The following CCL2 variants were observed in gnomAD, a reference collection of about 807,000 sequenced individuals.
The protein encoded by CCL2 is C-C motif chemokine 2.
Under a neutral mutation model 6.7 loss-of-function variants are expected in CCL2, and 2 were observed. The ratio of observed to expected loss-of-function variants is 0.30; its 90% CI spans 0.12 to 0.94. The LOEUF (loss-of-function observed/expected upper bound fraction) is 0.94. CCL2 is among the 40% of genes least tolerant of loss of function. CCL2 has a pLI of 0.54. For synonymous variants in CCL2, 43 were observed against 45.2 expected (o/e 0.95, Z 0.19); for missense variants, 89 against 119.3 (o/e 0.75, Z 1.18).
In CCL2 at chr17:34,256,268, G is replaced by GAT. The variant is rs772588061; in HGVS notation, c.124_125insTA (p.Lys42IlefsTer24). ...CCTGCTGTTATAACTTCACCAATAG[G>GAT]AAGATCTCAGTGCAGAGGCTCGCGA... On this transcript the variant is annotated frameshift_variant, in exon 2 of 3. Transcript: ENST00000225831. LOFTEE classifies it high-confidence loss of function. The GAT allele has an allele frequency of 2.5e-6, 4 of 1,613,798 alleles. No individual in the cohort carries two copies. Among genetic ancestry groups the GAT allele is most frequent in the Non-Finnish European group, 3.4e-6 (4 of 1,179,790 alleles).
At chr17:34,255,921 T>C (rs1184903142) in intron 1 of CCL2, 4 of 318,312 alleles carry the variant, frequency 1.3e-5, no homozygotes, top group Non-Finnish European at 2.3e-5. Flanking sequence ...TCCCTGGTGC[T>C]GATCATCTGG....
intron 1 of CCL2, chr17:34,255,633 A>C (rs1907663367): frequency 1.9e-6 from 1 of 534,474 alleles, no homozygotes; most frequent in African/African-American, 1.9e-5. Flanking sequence ...CCCCAAATCC[A>C]GCTCCTTCCA....
chr17:34,255,700 G>A (rs1467381903), intron 1 of CCL2: 7 of 430,458 alleles, frequency 1.6e-5, no homozygotes, highest in African/African-American at 1.4e-4. Flanking sequence ...GCTTCCAGCA[G>A]AGTTTGGGGA....
Position 34,256,892 on chromosome 17 carries a change from C to T in CCL2, c.*65C>T, listed in dbSNP as rs13900. 273,056 of 923,064 alleles carry T rather than the reference C, an allele frequency of 0.3. 45,576 individuals are homozygous for T. The highest frequency in any genetic ancestry group is 0.61 in the East Asian group (24,572 of 40,230). 57.2% of individuals were successfully genotyped at this position (923,064 alleles called of 1,614,324 possible). A position where few individuals can be genotyped will look rare whatever the true frequency, so the allele number is the denominator to read the frequency against. On this transcript the variant is annotated 3_prime_UTR_variant, in exon 3 of 3. Coordinates refer to ENST00000225831, the MANE Select transcript of CCL2 (RefSeq NM_002982.4). Reference sequence around the variant, plus strand: ...TTTCCCCTAGCTTTCCCCAGACACCCTGTTTTATTTTATTATAATGAATTT... The same window carrying T: ...TTTCCCCTAGCTTTCCCCAGACACCTTGTTTTATTTTATTATAATGAATTT...
intron 2 of CCL2, 32 bp from the exon 3 acceptor site, chr17:34,256,690 A>C: frequency 6.7e-7 from 1 of 1,481,844 alleles, no homozygotes; most frequent in Non-Finnish European, 9.4e-7. Context: ...CTGCAAAGGA[A>C]CTTCATCTAA....
intron 1 of CCL2, 110 bp from the exon 2 acceptor site, chr17:34,256,112 T>TC (rs1907676739): frequency 1.4e-6 from 1 of 712,594 alleles, no homozygotes; most frequent in African/African-American, 1.8e-5. Flanking sequence ...ATGAGCTCTT[T>TC]GTCTTCTCCT....
rs1907661891 is a variant in CCL2 at position 34,255,597 on chromosome 17, G to A, written c.76+172G>A. On this transcript the variant is annotated intron_variant, in intron 1 of 2. Transcript: ENST00000225831. ...AACCACACAGCTGCTGCTCGGCAGA[G>A]CCTGAACTAGAATTCCAGCTGTGAA... The A allele has an allele frequency of 1.0e-5, 6 of 572,750 alleles. 1 individual carries two copies. Among genetic ancestry groups the A allele is most frequent in the Non-Finnish European group, 1.8e-5 (6 of 325,064 alleles). 35.5% of individuals were successfully genotyped at this position (572,750 alleles called of 1,614,324 possible).
chr17:34,256,459 T>C (rs1047879741), intron 2 of CCL2, 120 bp downstream of exon 2: 1 of 735,310 alleles, frequency 1.4e-6, no homozygotes, highest in African/African-American at 1.8e-5. Context: ...AGGTTCCCAA[T>C]GGGAAAACTG....
At chr17:34,255,573 A>T in intron 1 of CCL2, 148 bp downstream of exon 1, 1 of 619,222 alleles carries the variant, frequency 1.6e-6, no homozygotes, top group Non-Finnish European at 2.8e-6. Flanking sequence ...GGTGAGCCCA[A>T]CCACACAGCT....
chr17:34,256,082 G>A, intron 1 of CCL2, 140 bp from the exon 2 acceptor site: 2 of 636,946 alleles, frequency 3.1e-6, no homozygotes, highest in Admixed American at 5.1e-5. Flanking sequence ...CTGAGGTATA[G>A]GCAGAAGCAC....
Position 34,256,242 on chromosome 17 carries a change from A to T in CCL2, c.97A>T (p.Thr33Ser). The stretch of plus-strand genomic sequence containing the variant: ...TCCAGATGCAATCAATGCCCCAGTC[A>T]CCTGCTGTTATAACTTCACCAATAG... Reference protein sequence around the residue: ...AQPDAINAPVTCCYNFTNRKI... With the variant: ...AQPDAINAPVSCCYNFTNRKI... The change falls in exon 2 of 3, where the codon ACC becomes TCC. Residue 33 changes from threonine to serine, a missense_variant. Transcript: ENST00000225831. 6.2e-7 allele frequency: 1 copy of T among 1,611,822 alleles called. No homozygotes were observed. Among genetic ancestry groups the T allele is most frequent in the Non-Finnish European group, 8.5e-7 (1 of 1,178,154 alleles).
Position 34,256,768 on chromosome 17 carries a change from A to G in CCL2, c.241A>G (p.Lys81Glu). ...AKEICADPKQKWVQDSMDHLD... is the reference protein window; with the variant it reads ...AKEICADPKQEWVQDSMDHLD... Reference sequence around the variant, plus strand: ...GGAGATCTGTGCTGACCCCAAGCAGAAGTGGGTTCAGGATTCCATGGACCA... The same window carrying G: ...GGAGATCTGTGCTGACCCCAAGCAGGAGTGGGTTCAGGATTCCATGGACCA... The change falls in exon 3 of 3, where the codon AAG becomes GAG. Residue 81 changes from lysine (K) to glutamate (E), a missense_variant. Coordinates refer to ENST00000225831, the MANE Select transcript of CCL2 (RefSeq NM_002982.4). The G allele has an allele frequency of 6.2e-7, 1 of 1,613,954 alleles. No individual in the cohort carries two copies. Among genetic ancestry groups the G allele is most frequent in the Non-Finnish European group, 8.5e-7 (1 of 1,179,872 alleles).
Position 34,257,147 on chromosome 17 carries a change from T to C in CCL2, c.*320T>C, listed in dbSNP as rs1166487616. On this transcript the variant is annotated 3_prime_UTR_variant, in exon 3 of 3. Coordinates refer to ENST00000225831, the MANE Select transcript of CCL2 (RefSeq NM_002982.4). Reference sequence around the variant, plus strand: ...ATTCCAATGCATTGCTAAAATATTATTGTGGAAATGAATATTTTGTAACTA... The same window carrying C: ...ATTCCAATGCATTGCTAAAATATTACTGTGGAAATGAATATTTTGTAACTA... 5.5e-6 allele frequency: 1 copy of C among 182,936 alleles called. No homozygotes were observed. Among genetic ancestry groups the C allele is most frequent in the Non-Finnish European group, 1.1e-5 (1 of 88,204 alleles). 11.3% of individuals were successfully genotyped at this position (182,936 alleles called of 1,614,324 possible). A position where few individuals can be genotyped will look rare whatever the true frequency, so the allele number is the denominator to read the frequency against.
chr17:34,256,672 G>A (rs758265040), intron 2 of CCL2, 50 bp from the exon 3 acceptor site: 6 of 1,358,796 alleles, frequency 4.4e-6, no homozygotes, highest in Non-Finnish European at 6.3e-6. Flanking sequence ...TGCACTTCTA[G>A]ACCAAAACTG....
At chr17:34,255,784 C>T (rs1348029448) in intron 1 of CCL2, 2 of 282,434 alleles carry the variant, frequency 7.1e-6, no homozygotes, top group African/African-American at 4.4e-5. Context: ...CTGGTCTGTG[C>T]TTCATTCACC....
intron 2 of CCL2, 27 bp from the exon 3 acceptor site, chr17:34,256,695 A>G: frequency 6.5e-7 from 1 of 1,530,800 alleles, no homozygotes; most frequent in Non-Finnish European, 9.0e-7. Flanking sequence ...AAGGAACTTC[A>G]TCTAACTCTG....
chr17:34,256,591 G>A (rs1385584540), intron 2 of CCL2, 131 bp from the exon 3 acceptor site: 2 of 654,490 alleles, frequency 3.1e-6, no homozygotes, highest in Non-Finnish European at 5.4e-6. Flanking sequence ...GGAGCAGTTT[G>A]CCCTGGGTTC....
intron 1 of CCL2, chr17:34,255,676 T>A: frequency 2.1e-6 from 1 of 475,618 alleles, no homozygotes; most frequent in South Asian, 3.0e-5. Flanking sequence ...CTCAGCGCAG[T>A]TACTCCCCCA....
chr17:34,255,815 C>T, intron 1 of CCL2: 1 of 266,530 alleles, frequency 3.8e-6, no homozygotes, highest in South Asian at 6.8e-5. Flanking sequence ...GAGACGGTGA[C>T]TCTGCAGAGG....
Sources: gnomAD v4.1 joint callset for allele counts on GRCh38, gnomAD v4.1.1 for gene constraint, MANE v1.5 for transcripts, NCBI Gene and HGNC (gene_info 2026-07-23, HGNC 2026-07-21) for gene names.